Variants in KIAA2012 observed in about 807,000 individuals in gnomAD.
KIAA2012 encodes KIAA2012, also known as uncharacterized protein KIAA2012.
A neutral mutation model predicts 150.6 loss-of-function variants in KIAA2012; 125 were observed. That is an observed-to-expected ratio of 0.83 (90% CI 0.72 to 0.96). The LOEUF is 0.96. Ranked by LOEUF, KIAA2012 falls within the 40% of genes least tolerant of loss-of-function variation. The pLI, the probability that KIAA2012 is intolerant of heterozygous loss-of-function variation, is 0.00. For synonymous variants in KIAA2012, 462 were observed against 504.7 expected (o/e 0.92, Z 1.13); for missense variants, 1,219 against 1,354.9 (o/e 0.90, Z 1.57).
intron 13 of KIAA2012, among the ~76,000 whole-genome samples, chr2:202,152,625 C>T (rs1691451503): frequency 6.6e-6 from 1 of 152,078 alleles, no homozygotes; most frequent in Non-Finnish European, 1.5e-5. Context: ...TAGCTTGGAC[C>T]AAATGCTTTC....
At chr2:202,139,204 G>C (rs1691145208) in intron 13 of KIAA2012, among the ~76,000 whole-genome samples, 1 of 145,814 alleles carries the variant, frequency 6.9e-6, no homozygotes, top group Non-Finnish European at 1.5e-5. Flanking sequence ...TCATGCTGCA[G>C]CCAGAATCCA....
intron 14 of KIAA2012, among the ~76,000 whole-genome samples, chr2:202,161,233 C>T (rs1250347799): frequency 6.6e-6 from 1 of 152,094 alleles, no homozygotes; most frequent in African/African-American, 2.4e-5. Context: ...AAGCGCCTCT[C>T]ACATGTTGGT....
At chr2:202,167,950 T>A (rs1202253021) in intron 15 of KIAA2012, among the ~76,000 whole-genome samples, 1 of 152,198 alleles carries the variant, frequency 6.6e-6, no homozygotes, top group Non-Finnish European at 1.5e-5. Context: ...TTATGTAGTC[T>A]GATTCCCAGG....
At chr2:202,158,193 A>C (rs1458140368) in intron 14 of KIAA2012, among the ~76,000 whole-genome samples, 4 of 152,050 alleles carry the variant, frequency 2.6e-5, no homozygotes, top group Non-Finnish European at 5.9e-5. Context: ...ACGGGGTTTC[A>C]CCATGTCAGC....
chr2:202,192,571 C>T (rs11895283), intron 19 of KIAA2012, among the ~76,000 whole-genome samples: 63,935 of 151,222 alleles, frequency 0.42, 13,890 homozygotes, highest in Non-Finnish European at 0.48. Flanking sequence ...AATTCTCCTG[C>T]CTCAGCCTCC....
At chr2:202,189,586 G>A (rs1007710715) in intron 18 of KIAA2012, among the ~76,000 whole-genome samples, 1 of 151,706 alleles carries the variant, frequency 6.6e-6, no homozygotes, top group South Asian at 2.1e-4. Context: ...CACCACGCCC[G>A]GCTGAAATAG....
chr2:202,193,275 GCACTGAGAA>G lies in KIAA2012; in HGVS notation c.2812-21_2812-13del. The G allele has an allele frequency of 6.5e-7, 1 of 1,546,516 alleles. No individual in the cohort carries two copies. On this transcript the variant is annotated splice_polypyrimidine_tract_variant and intron_variant, in intron 19 of 23. Coordinates refer to ENST00000498697, the MANE Select transcript of KIAA2012 (RefSeq NM_001277372.4). Reference sequence around the variant, plus strand: ...GCTGAGACAGACCCATCTGTTTATTGCACTGAGAACACTCTGGTTTCTTAGGCCCTCCTC... The same window carrying G: ...GCTGAGACAGACCCATCTGTTTATTGCACTCTGGTTTCTTAGGCCCTCCTC...
chr2:202,165,860 G>A (rs1018952751), intron 15 of KIAA2012, among the ~76,000 whole-genome samples: 3 of 152,156 alleles, frequency 2.0e-5, no homozygotes, highest in African/African-American at 7.2e-5. Flanking sequence ...TTTTACAAGA[G>A]CTTGTTGTTT....
At chr2:202,201,169 C>T (rs1224261753) in intron 22 of KIAA2012, among the ~76,000 whole-genome samples, 1 of 152,134 alleles carries the variant, frequency 6.6e-6, no homozygotes, top group Non-Finnish European at 1.5e-5. Flanking sequence ...TGGATACCTC[C>T]CTTACCTCAA....
At chr2:202,107,143 G>A (rs1356634284) in intron 9 of KIAA2012, among the ~76,000 whole-genome samples, 1 of 152,070 alleles carries the variant, frequency 6.6e-6, no homozygotes, top group Non-Finnish European at 1.5e-5. Flanking sequence ...TTGGAGCTCA[G>A]GGCTTCCAGT....
At chr2:202,158,700 A>AT (rs199576121) in intron 14 of KIAA2012, among the ~76,000 whole-genome samples, 3,204 of 152,130 alleles carry the variant, frequency 0.021, 102 homozygotes, top group African/African-American at 0.072. Flanking sequence ...AGAAAAAAAA[A>AT]TTTTTTGAAC....
intron 13 of KIAA2012, among the ~76,000 whole-genome samples, chr2:202,151,887 A>C (rs1426153502): frequency 6.6e-6 from 1 of 152,036 alleles, no homozygotes; most frequent in East Asian, 1.9e-4. Flanking sequence ...CAGCTTTCTG[A>C]GTAGCTGGGA....
chr2:202,073,749 T>C (rs1458036240), intron 1 of KIAA2012, 38 bp downstream of exon 1: 2 of 1,526,532 alleles, frequency 1.3e-6, no homozygotes, highest in African/African-American at 1.4e-5. Context: ...ATTTTGGAGG[T>C]GGGAGAGGAA....
chr2:202,096,060 G>C (rs556320849), intron 4 of KIAA2012, among the ~76,000 whole-genome samples: 17 of 152,062 alleles, frequency 1.1e-4, no homozygotes, highest in South Asian at 4.2e-4. Context: ...CTCCAGCCTG[G>C]GCAACAGAGT....
intron 15 of KIAA2012, among the ~76,000 whole-genome samples, chr2:202,183,012 G>C (rs910648912): frequency 1.3e-5 from 2 of 152,080 alleles, no homozygotes; most frequent in Admixed American, 6.6e-5. Flanking sequence ...ATGAAGTCTT[G>C]GTCTGGAGAC....
chr2:202,107,475 A>G (rs536429691), intron 9 of KIAA2012, among the ~76,000 whole-genome samples: 1 of 152,298 alleles, frequency 6.6e-6, no homozygotes, highest in Admixed American at 6.5e-5. Flanking sequence ...CTTATGGGCC[A>G]CAATGCGAGA....
intron 3 of KIAA2012, among the ~76,000 whole-genome samples, chr2:202,092,616 G>A (rs977872784): frequency 6.6e-6 from 1 of 152,140 alleles, no homozygotes; most frequent in African/African-American, 2.4e-5. Flanking sequence ...GGCCCATTGG[G>A]AAGTCCTCAA....
chr2:202,141,079 G>A (rs1031714610), intron 13 of KIAA2012, among the ~76,000 whole-genome samples: 7 of 152,200 alleles, frequency 4.6e-5, no homozygotes, highest in African/African-American at 1.7e-4. Context: ...AAGCCACAGG[G>A]TGCTCTGCAG....
At chr2:202,193,874 C>T (rs771203715) in intron 20 of KIAA2012, among the ~76,000 whole-genome samples, 1 of 152,214 alleles carries the variant, frequency 6.6e-6, no homozygotes, top group Non-Finnish European at 1.5e-5. Context: ...CTTTCACAGG[C>T]CTCAACTGCA....
Sources: gnomAD v4.1 joint callset for allele counts (sites outside exome capture counted in the v4.1 genomes callset) on GRCh38, gnomAD v4.1.1 for gene constraint, MANE v1.5 for transcripts, NCBI Gene and HGNC (gene_info 2026-07-23, HGNC 2026-07-21) for gene names.